The following PEMT variants were observed in gnomAD, a reference collection of about 807,000 sequenced individuals.
PEMT encodes phosphatidylethanolamine N-methyltransferase.
PEMT carries 23 observed loss-of-function variants against 27.4 expected under a neutral mutation model. The observed-to-expected ratio is 0.84, with a 90% CI of 0.60 to 1.19. PEMT has a LOEUF of 1.19. Among genes scored for constraint, PEMT ranks in the 50% most tolerant of loss-of-function variants. The pLI is 0.00. For missense variants in PEMT, 307 were observed against 310.1 expected (o/e 0.99, Z 0.07); for synonymous variants, 137 against 139.1 (o/e 0.98, Z 0.11).
intron 2 of PEMT, among the ~76,000 whole-genome samples, chr17:17,551,139 T>C (rs1909628357): frequency 6.6e-6 from 1 of 152,158 alleles, no homozygotes; most frequent in Non-Finnish European, 1.5e-5. Context: ...ACTGTTGTTA[T>C]TATGGGACCG....
chr17:17,570,708 A>G, intron 2 of PEMT: 2 of 985,286 alleles, frequency 2.0e-6, no homozygotes, highest in Non-Finnish European at 1.2e-6. Flanking sequence ...ACAGGGGAAA[A>G]GTTCCATTTC....
chr17:17,524,315 G>C (rs1907510214), intron 2 of PEMT, among the ~76,000 whole-genome samples: 1 of 152,080 alleles, frequency 6.6e-6, no homozygotes, highest in African/African-American at 2.4e-5. Flanking sequence ...GGAATTGCTG[G>C]GTCACATGGT....
At chr17:17,547,549 T>C (rs1447337501) in intron 2 of PEMT, among the ~76,000 whole-genome samples, 1 of 152,224 alleles carries the variant, frequency 6.6e-6, no homozygotes, top group Non-Finnish European at 1.5e-5. Context: ...AAGAAGGGCC[T>C]TCCAGGCAGA....
chr17:17,515,401 C>A (rs1906751981), intron 3 of PEMT, among the ~76,000 whole-genome samples: 1 of 152,174 alleles, frequency 6.6e-6, no homozygotes, highest in Non-Finnish European at 1.5e-5. Flanking sequence ...CCCAGATTTG[C>A]CCCAGACCTG....
chr17:17,514,331 C>T (rs1281604367), intron 3 of PEMT, among the ~76,000 whole-genome samples: 1 of 152,238 alleles, frequency 6.6e-6, no homozygotes, highest in African/African-American at 2.4e-5. Flanking sequence ...ATCCCCCCAG[C>T]ACTTGGCCCA....
chr17:17,583,038 G>GGCAACAAGAGTGA (rs1912060082), intron 1 of PEMT, among the ~76,000 whole-genome samples: 3 of 150,176 alleles, frequency 2.0e-5, no homozygotes, highest in South Asian at 4.2e-4. Context: ...CTCCAGCCTG[G>GGCAACAAGAGTGA]ATGACAGAGC....
intron 2 of PEMT, among the ~76,000 whole-genome samples, chr17:17,549,016 TG>T (rs1444295017): frequency 6.6e-6 from 1 of 151,750 alleles, no homozygotes; most frequent in Non-Finnish European, 1.5e-5. Flanking sequence ...CAAGCAGCCA[TG>T]GAATTCTTTT....
Position 17,542,945 on chromosome 17 carries a change from A to T in PEMT, c.205-20550T>A, listed in dbSNP as rs1908991075. On this transcript the variant is annotated intron_variant, in intron 2 of 6. Coordinates refer to ENST00000255389, the MANE Select transcript of PEMT (RefSeq NM_148172.3). ...CGGGTCTAGAGGACTCTGAGGCTGGAAGGGGCATGGGGACATCATTCTTCT... is the reference window on the plus strand; with the variant it reads ...CGGGTCTAGAGGACTCTGAGGCTGGTAGGGGCATGGGGACATCATTCTTCT... Among the ~76,000 whole-genome samples the T allele has an allele frequency of 3.3e-5, 5 of 152,292 alleles. 1 individual carries two copies. In the South Asian group the frequency reaches 1.0e-3, roughly 32 times the overall value.
At chr17:17,545,522 C>A (rs1909197143) in intron 2 of PEMT, among the ~76,000 whole-genome samples, 1 of 152,246 alleles carries the variant, frequency 6.6e-6, no homozygotes, top group Admixed American at 6.5e-5. Context: ...GAAGCCACAG[C>A]CCATGCCACC....
chr17:17,591,740 C>T (rs1325837705), upstream of PEMT: 5 of 1,467,986 alleles, frequency 3.4e-6, no homozygotes, highest in Non-Finnish European at 4.5e-6. Flanking sequence ...CCGGTGACCC[C>T]CAACATATTC....
At chr17:17,514,503 C>A (rs779634027) in intron 3 of PEMT, among the ~76,000 whole-genome samples, 4 of 152,214 alleles carry the variant, frequency 2.6e-5, no homozygotes, top group Admixed American at 6.5e-5. Flanking sequence ...GCGGGCACAC[C>A]GACCTGTTAA....
In PEMT at chr17:17,513,680, G is replaced by A. The variant is rs997260464; in HGVS notation, c.321-1026C>T. ...AGGCTCAGGTTCTCCAGTTGGCTCC[G>A]GAGAACTGAGGGGCTGGTGCAGGGA... On this transcript the variant is annotated intron_variant, in intron 3 of 6. Transcript: ENST00000255389. The surrounding 1 kb of genome is among the most constrained non-coding windows in gnomAD (Gnocchi z 4.1). 6.6e-6 allele frequency among the ~76,000 whole-genome samples: 1 copy of A among 152,134 alleles called. No individual in the cohort carries two copies. Among genetic ancestry groups the A allele is most frequent in the Non-Finnish European group, 1.5e-5 (1 of 68,014 alleles).
At chr17:17,514,502 C>T (rs982843968) in intron 3 of PEMT, among the ~76,000 whole-genome samples, 19 of 152,216 alleles carry the variant, frequency 1.2e-4, no homozygotes, top group Admixed American at 1.0e-3. Context: ...GGCGGGCACA[C>T]CGACCTGTTA....
At chr17:17,522,198 T>C (rs1350474135) in intron 3 of PEMT, 82 bp downstream of exon 3, 1 of 980,006 alleles carries the variant, frequency 1.0e-6, no homozygotes, top group African/African-American at 1.6e-5. Flanking sequence ...GGCTCCCGCG[T>C]GGTGAGGGAT....
At chr17:17,507,399 G>A (rs895102349) in intron 5 of PEMT, 1 of 612,454 alleles carries the variant, frequency 1.6e-6, no homozygotes, top group Non-Finnish European at 2.9e-6. Context: ...GTGAGGGCTG[G>A]AGGACACCTG....
At chr17:17,578,589 A>T (rs892491751) in intron 1 of PEMT, 1 of 152,198 alleles carries the variant, frequency 6.6e-6, no homozygotes, top group African/African-American at 2.4e-5. Flanking sequence ...ATGCAACTCA[A>T]AATTTTTTAA....
chr17:17,526,573 CTG>C (rs1361075223), intron 2 of PEMT, among the ~76,000 whole-genome samples: 12 of 152,368 alleles, frequency 7.9e-5, no homozygotes, highest in Admixed American at 6.5e-4. Flanking sequence ...AGAGCAGGGA[CTG>C]TGTCTGATTT....
At chr17:17,564,223 A>G (rs1359709770) in intron 2 of PEMT, among the ~76,000 whole-genome samples, 1 of 152,116 alleles carries the variant, frequency 6.6e-6, no homozygotes, top group African/African-American at 2.4e-5. Context: ...GCTTCCCACC[A>G]ATGGCTCTTA....
rs1433109792 is a variant in PEMT at position 17,530,599 on chromosome 17, A to ATT, written c.205-8206_205-8205dup. 2.0e-5 allele frequency among the ~76,000 whole-genome samples: 3 copies of ATT among 152,230 alleles called. No homozygotes were observed. In the East Asian group the frequency reaches 5.8e-4, roughly 29 times the overall value. On this transcript the variant is annotated intron_variant, in intron 2 of 6. Coordinates refer to ENST00000255389, the MANE Select transcript of PEMT (RefSeq NM_148172.3). ...GTTTCAAGTGATTTTGAAATACAGT[A>ATT]TTTTGACTAATCCTCCCTCCTGCCG...
Sources: gnomAD v4.1 joint callset for allele counts (sites outside exome capture counted in the v4.1 genomes callset) on GRCh38, gnomAD v4.1.1 for gene constraint, Gnocchi (gnomAD v3.1) non-coding constraint, MANE v1.5 for transcripts, NCBI Gene and HGNC (gene_info 2026-07-23, HGNC 2026-07-21) for gene names.